The following PTPRN2 variants were observed in gnomAD, a reference collection of about 807,000 sequenced individuals.
The protein encoded by PTPRN2 is protein tyrosine phosphatase receptor type N2.
Under a neutral mutation model 118.8 loss-of-function variants are expected in PTPRN2, and 74 were observed. The ratio of observed to expected loss-of-function variants is 0.62; its 90% CI spans 0.52 to 0.76. The LOEUF (loss-of-function observed/expected upper bound fraction) is 0.76. Among genes scored for constraint, PTPRN2 ranks in the 30% least tolerant of loss-of-function variants. The pLI, the probability that PTPRN2 is intolerant of heterozygous loss-of-function variation, is 0.00. For synonymous variants in PTPRN2, 641 were observed against 608.0 expected (o/e 1.05, Z -0.80); for missense variants, 1,481 against 1,394.4 (o/e 1.06, Z -0.99).
chr7:157,842,412 T>C (rs1808493467), intron 12 of PTPRN2, among the ~76,000 whole-genome samples: 1 of 23,040 alleles, frequency 4.3e-5, no homozygotes, highest in Non-Finnish European at 1.3e-4. Context: ...TCAGGAGACT[T>C]TTTTTTTTTT....
chr7:157,773,065 C>G (rs984735305), intron 12 of PTPRN2, among the ~76,000 whole-genome samples: 2 of 152,188 alleles, frequency 1.3e-5, no homozygotes, highest in African/African-American at 4.8e-5. Context: ...TGAGAAGGTG[C>G]CTTGCACAGA....
chr7:158,150,809 T>C (rs763443538), intron 6 of PTPRN2, among the ~76,000 whole-genome samples: 26 of 152,096 alleles, frequency 1.7e-4, no homozygotes, highest in Non-Finnish European at 3.1e-4. Context: ...CTCCGTGTCC[T>C]GTGAACTCTC....
intron 5 of PTPRN2, among the ~76,000 whole-genome samples, chr7:158,174,702 T>C (rs1824030017): frequency 6.6e-6 from 1 of 152,176 alleles, no homozygotes; most frequent in African/African-American, 2.4e-5. Context: ...CAACCGTAAT[T>C]GAAAGAATGC....
chr7:158,071,438 G>GGAGGTGCCCATGGTA (rs1811607135), intron 11 of PTPRN2, among the ~76,000 whole-genome samples: 2 of 126,524 alleles, frequency 1.6e-5, no homozygotes, highest in Non-Finnish European at 1.6e-5. Context: ...TGCTCGTGGT[G>GGAGGTGCCCATGGTA]GTGGAGGTGC....
At chr7:157,878,660 A>G (rs1273819974) in intron 12 of PTPRN2, among the ~76,000 whole-genome samples, 7 of 127,320 alleles carry the variant, frequency 5.5e-5, no homozygotes, top group South Asian at 2.7e-4. Context: ...GAGCTCTCTC[A>G]GATTCCATGG....
At chr7:158,268,213 C>G (rs949458718) in intron 3 of PTPRN2, among the ~76,000 whole-genome samples, 1 of 152,164 alleles carries the variant, frequency 6.6e-6, no homozygotes, top group African/African-American at 2.4e-5. Context: ...CGCGGCCGCA[C>G]GCACACAGAG....
At chr7:157,855,745 G>T (rs774842982) in intron 12 of PTPRN2, among the ~76,000 whole-genome samples, 2 of 152,210 alleles carry the variant, frequency 1.3e-5, no homozygotes, top group Non-Finnish European at 2.9e-5. Context: ...GGGGGGCGGC[G>T]ATACAAAGTC....
At chr7:158,066,139 G>A (rs1422084965) in intron 11 of PTPRN2, among the ~76,000 whole-genome samples, 2 of 152,232 alleles carry the variant, frequency 1.3e-5, no homozygotes, top group Admixed American at 6.5e-5. Flanking sequence ...AGGAATGGCT[G>A]TGAGCTTGGG....
At chr7:157,607,866 C>T (rs1802097892) in intron 15 of PTPRN2, among the ~76,000 whole-genome samples, 1 of 152,076 alleles carries the variant, frequency 6.6e-6, no homozygotes, top group African/African-American at 2.4e-5. Context: ...GGGAATCTGC[C>T]ATGGGCACCT....
Position 157,710,606 on chromosome 7 carries a change from C to T in PTPRN2, c.1789-27669G>A, listed in dbSNP as rs955883863. On this transcript the variant is annotated intron_variant, in intron 12 of 22. Transcript: ENST00000389418. ...CCTGGGACCCCAAGCCGCTCAGGAC[C>T]GTGCACAGCTCCCAGATGTCCCCTG... is the stretch of plus-strand genomic sequence containing the variant. Among the ~76,000 whole-genome samples the T allele has an allele frequency of 7.9e-5, 12 of 152,172 alleles. No homozygotes were observed. In the East Asian group the frequency reaches 1.4e-3, roughly 17 times the overall value.
At chr7:157,993,989 T>G (rs1490248425) in intron 11 of PTPRN2, among the ~76,000 whole-genome samples, 1 of 152,182 alleles carries the variant, frequency 6.6e-6, no homozygotes, top group East Asian at 1.9e-4. Flanking sequence ...AATTTCAAAA[T>G]GCACGGCTGC....
chr7:158,524,343 GTCTACCCTGGAGTGGAGT>G, intron 1 of PTPRN2, among the ~76,000 whole-genome samples: 1 of 74,890 alleles, frequency 1.3e-5, no homozygotes, highest in Non-Finnish European at 2.7e-5. Flanking sequence ...GAGTGGAGTC[GTCTACCCTGGAGTGGAGT>G]CATCTGCCCT....
At position 157,813,124 on chromosome 7, in the gene PTPRN2, G is replaced by A. The variant is rs996712760; in HGVS notation, c.1788+85549C>T. 2.0e-5 allele frequency among the ~76,000 whole-genome samples: 3 copies of A among 152,142 alleles called. No homozygotes were observed. The highest frequency in any genetic ancestry group is 1.9e-4 in the East Asian group (1 of 5,198). Reference sequence around the variant, plus strand: ...TGTGCCGTGCTAAAACCACACGCATGGCAGCCTCCCCCAAGCCAACCACCC... The same window carrying A: ...TGTGCCGTGCTAAAACCACACGCATAGCAGCCTCCCCCAAGCCAACCACCC... On this transcript the variant is annotated intron_variant, in intron 12 of 22. Coordinates refer to ENST00000389418, the MANE Select transcript of PTPRN2 (RefSeq NM_002847.5). This position sits in a 1 kb window ranked among gnomAD's most constrained non-coding sequence, Gnocchi z 4.7.
chr7:158,202,399 C>T lies in PTPRN2; in HGVS notation c.380+2772G>A, dbSNP rs547094661. On this transcript the variant is annotated intron_variant, in intron 4 of 22. Coordinates refer to ENST00000389418, the MANE Select transcript of PTPRN2 (RefSeq NM_002847.5). ...GAAGGCACCGGCAGGACTGGGGAGG[C>T]CTTTGGGTCAGCAGGAGGGACAGCA... Among the ~76,000 whole-genome samples, 4 of 152,136 alleles carry T rather than the reference C, an allele frequency of 2.6e-5. No homozygotes were observed. The South Asian group carries it at 8.3e-4, about 32-fold the overall frequency.
intron 9 of PTPRN2, among the ~76,000 whole-genome samples, chr7:158,111,216 C>T (rs1020621977): frequency 2.6e-5 from 4 of 152,164 alleles, no homozygotes; most frequent in Non-Finnish European, 5.9e-5. Flanking sequence ...GCAGGTGCGG[C>T]GGATGCTGGG....
chr7:158,517,219 G>C lies in PTPRN2; in HGVS notation c.113-27434C>G, dbSNP rs1823636808. ...ACCCCCATTCCTGTCCCACAGTTGA[G>C]GGCTGCCCCACAGGCTTCCTCCTCA... is the stretch of plus-strand genomic sequence containing the variant. On this transcript the variant is annotated intron_variant, in intron 1 of 22. Transcript: ENST00000389418. This position sits in a 1 kb window ranked among gnomAD's most constrained non-coding sequence, Gnocchi z 5.3. 6.6e-6 allele frequency among the ~76,000 whole-genome samples: 1 copy of C among 152,212 alleles called. No individual in the cohort carries two copies. The highest frequency in any genetic ancestry group is 1.5e-5 in the Non-Finnish European group (1 of 68,050).
At position 157,788,158 on chromosome 7, in the gene PTPRN2, G is replaced by A. The variant is rs533561348; in HGVS notation, c.1789-105221C>T. Among the ~76,000 whole-genome samples, 5 of 152,258 alleles carry A rather than the reference G, an allele frequency of 3.3e-5. No homozygotes were observed. In the South Asian group the frequency reaches 8.3e-4, roughly 25 times the overall value. On this transcript the variant is annotated intron_variant, in intron 12 of 22. Transcript: ENST00000389418. ...TGGGAGGCTGAGGCGGGCGGATCAC[G>A]AGGTCAGGAGATCGAGATCATCCCG...
intron 12 of PTPRN2, among the ~76,000 whole-genome samples, chr7:157,770,605 C>T (rs1802743065): frequency 6.6e-6 from 1 of 152,316 alleles, no homozygotes; most frequent in Admixed American, 6.5e-5. Flanking sequence ...AAAATTAGCG[C>T]TATAGGGGAG....
At chr7:157,822,243 C>T (rs765912887) in intron 12 of PTPRN2, among the ~76,000 whole-genome samples, 2 of 151,900 alleles carry the variant, frequency 1.3e-5, no homozygotes, top group Non-Finnish European at 2.9e-5. Context: ...CTCATCCATC[C>T]ATCCACTCAC....
Sources: gnomAD v4.1 joint callset for allele counts (sites outside exome capture counted in the v4.1 genomes callset) on GRCh38, gnomAD v4.1.1 for gene constraint, Gnocchi (gnomAD v3.1) non-coding constraint, MANE v1.5 for transcripts, NCBI Gene and HGNC (gene_info 2026-07-23, HGNC 2026-07-21) for gene names.